INPP4B: variants seen among roughly 807,000 people sequenced by gnomAD.
The protein encoded by INPP4B is inositol polyphosphate 4-phosphatase type II.
INPP4B carries 55 observed loss-of-function variants against 122.5 expected under a neutral mutation model. The ratio of observed to expected loss-of-function variants is 0.45; its 90% CI spans 0.36 to 0.56. The LOEUF (loss-of-function observed/expected upper bound fraction) is 0.56. Among genes scored for constraint, INPP4B ranks in the 20% least tolerant of loss-of-function variants. The pLI, the probability that INPP4B is intolerant of heterozygous loss-of-function variation, is 0.00. For missense variants in INPP4B, 1,000 were observed against 1,097.7 expected (o/e 0.91, Z 1.26); for synonymous variants, 403 against 388.7 (o/e 1.04, Z -0.43).
chr4:142,426,926 A>G (rs1237498683), intron 5 of INPP4B: 1 of 151,962 alleles, frequency 6.6e-6, no homozygotes, highest in Non-Finnish European at 1.5e-5. Flanking sequence ...TCCTTACTGA[A>G]TTTCTTTTTC....
At chr4:142,403,600 T>C (rs1802359849) in intron 6 of INPP4B, among the ~76,000 whole-genome samples, 1 of 152,160 alleles carries the variant, frequency 6.6e-6, no homozygotes, top group South Asian at 2.1e-4. Flanking sequence ...ATATGATGGA[T>C]TTGAGGCTAT....
intron 2 of INPP4B, among the ~76,000 whole-genome samples, chr4:142,549,253 T>A (rs139913221): frequency 6.6e-6 from 1 of 152,222 alleles, no homozygotes; most frequent in African/African-American, 2.4e-5. Flanking sequence ...TTCACCCCCA[T>A]CACTGTTGTT....
chr4:142,620,575 T>C (rs11733464), intron 2 of INPP4B, among the ~76,000 whole-genome samples: 11,290 of 151,948 alleles, frequency 0.074, 461 homozygotes, highest in South Asian at 0.1. Flanking sequence ...AACTGGATGA[T>C]GAAATAGTAT....
intron 2 of INPP4B, among the ~76,000 whole-genome samples, chr4:142,472,182 T>C (rs1207475128): frequency 6.6e-6 from 1 of 152,062 alleles, no homozygotes; most frequent in Non-Finnish European, 1.5e-5. Context: ...ATGTCTTACT[T>C]AGTAAAGAGA....
chr4:142,740,389 T>C (rs1767729377), intron 1 of INPP4B, among the ~76,000 whole-genome samples: 1 of 152,052 alleles, frequency 6.6e-6, no homozygotes, highest in East Asian at 1.9e-4. Flanking sequence ...CTAAAACGCT[T>C]TTCTGCTTCA....
intron 11 of INPP4B, among the ~76,000 whole-genome samples, chr4:142,246,013 CAT>C (rs566925589): frequency 3.6e-5 from 5 of 139,332 alleles, no homozygotes; most frequent in African/African-American, 8.4e-5. Flanking sequence ...TGTATACACA[CAT>C]GTGTGTATGT....
chr4:142,662,251 C>A (rs1246857470), intron 2 of INPP4B, among the ~76,000 whole-genome samples: 3 of 150,744 alleles, frequency 2.0e-5, no homozygotes, highest in Non-Finnish European at 1.5e-5. Flanking sequence ...AAACAAAAAA[C>A]AAAAAAACGG....
rs142320638 is a variant in INPP4B, at chr4:142,703,656, C to T, written c.-191+22183G>A. Among the ~76,000 whole-genome samples the T allele has an allele frequency of 7.6e-4, 115 of 152,234 alleles. No individual in the cohort carries two copies. The Middle Eastern group carries it at 0.017, about 23-fold the overall frequency. On this transcript the variant is annotated intron_variant, in intron 2 of 25. Coordinates refer to ENST00000262992, the MANE Select transcript of INPP4B (RefSeq NM_001101669.3). ...CTTAATTTACTACAGCATGTCTCAT[C>T]GTTTCTGAAAGAATGAATGTTGCAA...
intron 8 of INPP4B, among the ~76,000 whole-genome samples, chr4:142,313,570 G>T (rs542866464): frequency 1.8e-4 from 28 of 152,166 alleles, no homozygotes; most frequent in Non-Finnish European, 3.5e-4. Flanking sequence ...GGCTGACAGA[G>T]GTCCATCTGC....
chr4:142,546,192 T>C (rs1829631535), intron 2 of INPP4B, among the ~76,000 whole-genome samples: 1 of 152,046 alleles, frequency 6.6e-6, no homozygotes, highest in Admixed American at 6.6e-5. Flanking sequence ...GTAGTATTTG[T>C]TTTTCTGTTC....
At chr4:142,488,514 T>C (rs1821462580) in intron 2 of INPP4B, among the ~76,000 whole-genome samples, 1 of 152,136 alleles carries the variant, frequency 6.6e-6, no homozygotes, top group Non-Finnish European at 1.5e-5. Context: ...GACCTGGAGT[T>C]TTCTCTATGA....
chr4:142,031,931 G>A (rs989924856), intron 25 of INPP4B, among the ~76,000 whole-genome samples: 1 of 152,096 alleles, frequency 6.6e-6, no homozygotes, highest in African/African-American at 2.4e-5. Flanking sequence ...TTTTGAGTTG[G>A]ACGAGCAGGA....
In INPP4B at chr4:142,742,050, C is replaced by T. The variant is rs1039978855; in HGVS notation, c.-253-16149G>A. Among the ~76,000 whole-genome samples, 12 of 151,902 alleles carry T rather than the reference C, an allele frequency of 7.9e-5. No individual in the cohort carries two copies. In the South Asian group the frequency reaches 8.3e-4, roughly 11 times the overall value. ...AGCTAGTAAAACAGTAGAATACCAA[C>T]GATAAAGAGATCTTCTTACAGCCTG... On this transcript the variant is annotated intron_variant, in intron 1 of 25. Coordinates refer to ENST00000262992, the MANE Select transcript of INPP4B (RefSeq NM_001101669.3).
At chr4:142,787,189 C>A (rs372295320) in intron 1 of INPP4B, among the ~76,000 whole-genome samples, 1 of 152,100 alleles carries the variant, frequency 6.6e-6, no homozygotes, top group East Asian at 1.9e-4. Flanking sequence ...ATAAGAAATT[C>A]TATTTCTAGG....
intron 2 of INPP4B, among the ~76,000 whole-genome samples, chr4:142,633,912 G>A (rs1748529069): frequency 6.6e-6 from 1 of 152,052 alleles, no homozygotes; most frequent in Admixed American, 6.6e-5. Flanking sequence ...CATAGTCCCA[G>A]CTACTTGGGA....
At chr4:142,443,488 C>G (rs2037231449) in intron 3 of INPP4B, among the ~76,000 whole-genome samples, 1 of 152,066 alleles carries the variant, frequency 6.6e-6, no homozygotes, top group South Asian at 2.1e-4. Flanking sequence ...GGGATGACAC[C>G]ACTAGAGATC....
At chr4:142,758,952 C>CAAA (rs374234375) in intron 1 of INPP4B, among the ~76,000 whole-genome samples, 9 of 96,830 alleles carry the variant, frequency 9.3e-5, no homozygotes, top group African/African-American at 2.5e-4. Context: ...GACTCAGTCT[C>CAAA]AAAAAAAAAA....
intron 25 of INPP4B, chr4:142,029,929 T>G: frequency 7.9e-7 from 1 of 1,271,594 alleles, no homozygotes; most frequent in Non-Finnish European, 1.0e-6. Context: ...GGAAACACCT[T>G]TCCATGAACA....
At chr4:142,471,468 A>G (rs1489878391) in intron 2 of INPP4B, among the ~76,000 whole-genome samples, 1 of 152,222 alleles carries the variant, frequency 6.6e-6, no homozygotes, top group Admixed American at 6.5e-5. Context: ...CACATCACCA[A>G]GACGGATGCT....
Sources: gnomAD v4.1 joint callset for allele counts (sites outside exome capture counted in the v4.1 genomes callset) on GRCh38, gnomAD v4.1.1 for gene constraint, MANE v1.5 for transcripts, NCBI Gene and HGNC (gene_info 2026-07-23, HGNC 2026-07-21) for gene names.